The following NDUFB3 variants were observed in gnomAD, a reference collection of about 807,000 sequenced individuals.
NDUFB3 encodes the protein NADH:ubiquinone oxidoreductase subunit B3, also known as NADH dehydrogenase [ubiquinone] 1 beta subcomplex subunit 3.
A neutral mutation model predicts 9.0 loss-of-function variants in NDUFB3; 7 were observed. That is an observed-to-expected ratio of 0.78 (90% CI 0.44 to 1.46). NDUFB3 has a LOEUF of 1.46. Among genes scored for constraint, NDUFB3 ranks in the 40% most tolerant of loss-of-function variants. The pLI, the probability that NDUFB3 is intolerant of heterozygous loss-of-function variation, is 0.01. For missense variants in NDUFB3, 93 were observed against 115.4 expected (o/e 0.81, Z 0.89); for synonymous variants, 29 against 38.5 (o/e 0.75, Z 0.91).
chr2:201,074,692 G>A (rs2047140977), intron 1 of NDUFB3, among the ~76,000 whole-genome samples: 1 of 152,100 alleles, frequency 6.6e-6, no homozygotes, highest in African/African-American at 2.4e-5. Flanking sequence ...CTGGCCTCAA[G>A]TGATCCACCT....
chr2:201,072,796 ATAAC>A (rs2047100579), intron 1 of NDUFB3, among the ~76,000 whole-genome samples: 1 of 152,222 alleles, frequency 6.6e-6, no homozygotes, highest in Non-Finnish European at 1.5e-5. Context: ...TTAAAAAATT[ATAAC>A]TAACAGAAGC....
rs1032554934 is a variant in NDUFB3, at chr2:201,085,689, C to T, written c.*74C>T. On this transcript the variant is annotated 3_prime_UTR_variant, in exon 3 of 3. Coordinates refer to ENST00000237889, the MANE Select transcript of NDUFB3 (RefSeq NM_002491.3). ...GATTTCTTCTCTGTAGCCTACTTGT[C>T]TGGTTTATCCCTTACAGAATATTAG... 2.3e-5 allele frequency: 29 copies of T among 1,268,668 alleles called. 2 individuals are homozygous for T. The South Asian group carries it at 3.1e-4, about 14-fold the overall frequency. 78.6% of individuals were successfully genotyped at this position (1,268,668 alleles called of 1,614,324 possible).
chr2:201,079,991 C>T (rs1257337102), intron 2 of NDUFB3: 1 of 152,016 alleles, frequency 6.6e-6, no homozygotes, highest in Non-Finnish European at 1.5e-5. Flanking sequence ...TAATGTCTTT[C>T]AGAGAGTTTT....
In NDUFB3 at chr2:201,079,103, G is replaced by C; in HGVS notation, c.140+81G>C. ...GTTGCTTTTCAATGTATTCTCCTTAGAGAATCATGAAAAATGGCTTTTTAC... is the reference window on the plus strand; with the variant it reads ...GTTGCTTTTCAATGTATTCTCCTTACAGAATCATGAAAAATGGCTTTTTAC... On this transcript the variant is annotated intron_variant, in intron 2 of 2. Transcript: ENST00000237889. 3 of 1,420,214 alleles carry C rather than the reference G, an allele frequency of 2.1e-6. No homozygotes were observed. In the South Asian group the frequency reaches 4.3e-5, roughly 20 times the overall value. 88.0% of individuals were successfully genotyped at this position (1,420,214 alleles called of 1,614,324 possible). A position where few individuals can be genotyped will look rare whatever the true frequency, so the allele number is the denominator to read the frequency against.
At chr2:201,081,190 C>T (rs1056137760) in intron 2 of NDUFB3, among the ~76,000 whole-genome samples, 4 of 151,692 alleles carry the variant, frequency 2.6e-5, no homozygotes, top group African/African-American at 9.7e-5. Flanking sequence ...ATCAGATTCC[C>T]ATCAATTTAG....
At chr2:201,082,597 T>A (rs2047239501) in intron 2 of NDUFB3, among the ~76,000 whole-genome samples, 1 of 152,060 alleles carries the variant, frequency 6.6e-6, no homozygotes, top group African/African-American at 2.4e-5. Context: ...CTATTGTAAA[T>A]AGTATTTTAA....
intron 1 of NDUFB3, among the ~76,000 whole-genome samples, chr2:201,075,179 GAAA>G (rs752371143): frequency 5.5e-5 from 5 of 91,068 alleles, no homozygotes; most frequent in Admixed American, 2.5e-4. Flanking sequence ...GATCCTGTCT[GAAA>G]AAAAAAAAAA....
At chr2:201,079,656 T>C (rs867270853) in intron 2 of NDUFB3, among the ~76,000 whole-genome samples, 1 of 151,974 alleles carries the variant, frequency 6.6e-6, no homozygotes, top group South Asian at 2.1e-4. Context: ...TTGCCCGGGC[T>C]AGTCTCAAAT....
rs576205442 is a variant in NDUFB3, at chr2:201,079,324, T to C, written c.140+302T>C. 3.7e-4 allele frequency among the ~76,000 whole-genome samples: 56 copies of C among 152,230 alleles called. No individual in the cohort carries two copies. In the South Asian group the frequency reaches 0.012, roughly 32 times the overall value. ...CAAGCCCAGCTACTTTTTGTGTTTT[T>C]AGTAGAGACGGGGTTTCACCATGTT... On this transcript the variant is annotated intron_variant, in intron 2 of 2. Coordinates refer to ENST00000237889, the MANE Select transcript of NDUFB3 (RefSeq NM_002491.3).
intron 1 of NDUFB3, among the ~76,000 whole-genome samples, chr2:201,073,544 G>A (rs961748420): frequency 2.0e-5 from 3 of 152,152 alleles, no homozygotes; most frequent in East Asian, 1.9e-4. Context: ...CGAGGCAGGC[G>A]GATAATGAGG....
chr2:201,083,357 T>TC (rs1349423963), intron 2 of NDUFB3, among the ~76,000 whole-genome samples: 1 of 149,006 alleles, frequency 6.7e-6, no homozygotes, highest in East Asian at 1.9e-4. Flanking sequence ...ATTTCTTTTT[T>TC]TTTTTTTTTT....
At chr2:201,080,348 C>T (rs947363081) in intron 2 of NDUFB3, among the ~76,000 whole-genome samples, 3 of 152,098 alleles carry the variant, frequency 2.0e-5, no homozygotes. Flanking sequence ...GCAGGCGGAT[C>T]GCTTGAGCCC....
intron 1 of NDUFB3, 162 bp downstream of exon 1, chr2:201,072,221 G>A (rs1353184563): frequency 6.6e-6 from 1 of 152,188 alleles, no homozygotes; most frequent in Non-Finnish European, 1.5e-5. Context: ...GTTTAGAGTT[G>A]GGGTAGGAAG....
intron 1 of NDUFB3, among the ~76,000 whole-genome samples, chr2:201,075,533 T>A (rs2047155026): frequency 8.1e-6 from 1 of 123,328 alleles, no homozygotes. Flanking sequence ...GCCACTGTAC[T>A]ACAGCCTGGG....
chr2:201,083,173 T>C (rs952631670), intron 2 of NDUFB3, among the ~76,000 whole-genome samples: 3 of 152,170 alleles, frequency 2.0e-5, no homozygotes, highest in Non-Finnish European at 4.4e-5. Flanking sequence ...CTAACACCAC[T>C]ACTATAATGT....
At chr2:201,078,297 G>C (rs574339437) in intron 1 of NDUFB3, among the ~76,000 whole-genome samples, 1 of 151,854 alleles carries the variant, frequency 6.6e-6, no homozygotes, top group African/African-American at 2.4e-5. Context: ...GCGAGACGCC[G>C]TCTCAAAAAA....
intron 1 of NDUFB3, among the ~76,000 whole-genome samples, chr2:201,078,312 A>T (rs892819036): frequency 1.3e-5 from 2 of 151,928 alleles, no homozygotes; most frequent in African/African-American, 4.8e-5. Flanking sequence ...AAAAAATAAG[A>T]AGAAGAAGAA....
rs1350811545 is a variant in NDUFB3 at position 201,085,379 on chromosome 2, G to C, written c.141-80G>C. ...TGTAGGGTAGCATTTAAGTCAATTA[G>C]AAAGATGAAAATTAAATGTCTTCAA... On this transcript the variant is annotated intron_variant, in intron 2 of 2. Transcript: ENST00000237889. 4 of 1,121,848 alleles carry C rather than the reference G, an allele frequency of 3.6e-6. No homozygotes were observed. In the African/African-American group the frequency reaches 4.7e-5, roughly 13 times the overall value. 69.5% of individuals were successfully genotyped at this position (1,121,848 alleles called of 1,614,324 possible).
intron 1 of NDUFB3, among the ~76,000 whole-genome samples, chr2:201,077,673 T>G (rs1331232841): frequency 1.3e-5 from 2 of 152,238 alleles, no homozygotes; most frequent in Admixed American, 1.3e-4. Flanking sequence ...GGAGTTCCAT[T>G]TTTTTCGTCA....
Sources: gnomAD v4.1 joint callset for allele counts (sites outside exome capture counted in the v4.1 genomes callset) on GRCh38, gnomAD v4.1.1 for gene constraint, MANE v1.5 for transcripts, NCBI Gene and HGNC (gene_info 2026-07-23, HGNC 2026-07-21) for gene names.